Variants in EIF3H observed in about 807,000 individuals in gnomAD.
EIF3H encodes the protein eIF-3-gamma.
Under a neutral mutation model 44.2 loss-of-function variants are expected in EIF3H, and 26 were observed. The ratio of observed to expected loss-of-function variants is 0.59; its 90% CI spans 0.43 to 0.82. EIF3H has a LOEUF of 0.82. EIF3H is among the 40% of genes least tolerant of loss of function. The pLI, the probability that EIF3H is intolerant of heterozygous loss-of-function variation, is 0.00. For missense variants in EIF3H, 359 were observed against 432.8 expected (o/e 0.83, Z 1.51); for synonymous variants, 166 against 151.9 (o/e 1.09, Z -0.68).
intron 5 of EIF3H, among the ~76,000 whole-genome samples, chr8:116,654,996 C>T (rs1813465447): frequency 1.3e-5 from 2 of 151,608 alleles, no homozygotes; most frequent in African/African-American, 2.4e-5. Context: ...TAAGAAAACA[C>T]ACCTTGTTTC....
intron 2 of EIF3H, among the ~76,000 whole-genome samples, chr8:116,719,399 G>T (rs1814708364): frequency 6.6e-6 from 1 of 152,128 alleles, no homozygotes; most frequent in Non-Finnish European, 1.5e-5. Flanking sequence ...AATGTTTATA[G>T]GGAATGAATA....
At chr8:116,661,616 A>G (rs960333371) in intron 2 of EIF3H, among the ~76,000 whole-genome samples, 1 of 152,248 alleles carries the variant, frequency 6.6e-6, no homozygotes, top group Admixed American at 6.5e-5. Context: ...ATTTTCTATT[A>G]GCTAAAGGGG....
upstream of EIF3H, among the ~76,000 whole-genome samples, chr8:116,757,483 A>G (rs1815469307): frequency 1.3e-5 from 2 of 152,152 alleles, no homozygotes; most frequent in African/African-American, 4.8e-5. Context: ...ATTGAAGAGC[A>G]CCAAATTTAG....
intron 2 of EIF3H, among the ~76,000 whole-genome samples, chr8:116,694,207 T>C (rs1285564001): frequency 6.6e-6 from 1 of 151,966 alleles, no homozygotes; most frequent in Non-Finnish European, 1.5e-5. Flanking sequence ...TAAACTCCCA[T>C]CAGCAATCAG....
At chr8:116,721,313 T>G (rs372275074) in intron 2 of EIF3H, among the ~76,000 whole-genome samples, 5 of 152,336 alleles carry the variant, frequency 3.3e-5, no homozygotes, top group African/African-American at 1.2e-4. Flanking sequence ...AGTCAAGAAT[T>G]GAGGTTTGGG....
At chr8:116,739,861 G>A (rs1815102001) in intron 1 of EIF3H, among the ~76,000 whole-genome samples, 1 of 152,116 alleles carries the variant, frequency 6.6e-6, no homozygotes, top group Admixed American at 6.5e-5. Flanking sequence ...AGCCAAAATA[G>A]ACATGAAAAT....
Position 116,755,666 on chromosome 8 carries a change from A to C in EIF3H, c.132T>G (p.Leu44=). The C allele has an allele frequency of 2.5e-6, 4 of 1,614,098 alleles. No individual in the cohort carries two copies. The highest frequency in any genetic ancestry group is 3.3e-4 in the Middle Eastern group (2 of 6,058). Residue 44 remains leucine (L), a splice_region_variant and synonymous_variant, in exon 1 of 8, where the codon CTT becomes CTG. Transcript: ENST00000521861. ...SAVKQVQIDG[L]VVLKIIKHYQ... ...CCAGAGGAAAAAGAACAGCACTCAC[A>C]AGGCCATCTATCTGCACTTGCTTCA...
At chr8:116,675,267 C>T (rs989369760) in intron 2 of EIF3H, among the ~76,000 whole-genome samples, 1 of 152,192 alleles carries the variant, frequency 6.6e-6, no homozygotes, top group Non-Finnish European at 1.5e-5. Flanking sequence ...TATTTACACT[C>T]TTGTTTTTCA....
intron 2 of EIF3H, among the ~76,000 whole-genome samples, chr8:116,718,945 T>C (rs186826898): frequency 6.6e-6 from 1 of 152,090 alleles, no homozygotes; most frequent in Admixed American, 6.5e-5. Flanking sequence ...AGTTAGGTGT[T>C]ACATTGTATT....
At chr8:116,660,911 AC>A (rs1165203663) in intron 2 of EIF3H, among the ~76,000 whole-genome samples, 1 of 152,190 alleles carries the variant, frequency 6.6e-6, no homozygotes, top group Non-Finnish European at 1.5e-5. Flanking sequence ...AAACATCACT[AC>A]CTTAGAAACC....
chr8:116,754,080 G>A (rs1353449850), intron 1 of EIF3H, among the ~76,000 whole-genome samples: 1 of 151,638 alleles, frequency 6.6e-6, no homozygotes, highest in Non-Finnish European at 1.5e-5. Flanking sequence ...GCCAGGGAAA[G>A]CCACAGTGCC....
Position 116,645,166 on chromosome 8 carries a change from C to T in EIF3H, c.962-63G>A, listed in dbSNP as rs1055923536. 1.5e-6 allele frequency: 2 copies of T among 1,294,510 alleles called. 1 individual carries two copies. Among genetic ancestry groups the T allele is most frequent in the Admixed American group, 3.8e-5 (2 of 52,344 alleles). 80.2% of individuals were successfully genotyped at this position (1,294,510 alleles called of 1,614,324 possible). A position where few individuals can be genotyped will look rare whatever the true frequency, so the allele number is the denominator to read the frequency against. ...ACAAATTGTAAAATGATCCAGAAAG[C>T]TAGTCAAACAGAAAAATCAGCATAA... On this transcript the variant is annotated intron_variant, in intron 7 of 7. Transcript: ENST00000521861.
chr8:116,743,460 T>C (rs1195863958), intron 1 of EIF3H, among the ~76,000 whole-genome samples: 1 of 148,986 alleles, frequency 6.7e-6, no homozygotes, highest in Non-Finnish European at 1.5e-5. Context: ...CAAAAAATAA[T>C]AGGCCAGGCA....
At chr8:116,690,304 T>C (rs914720297) in intron 2 of EIF3H, among the ~76,000 whole-genome samples, 1 of 151,784 alleles carries the variant, frequency 6.6e-6, no homozygotes, top group Non-Finnish European at 1.5e-5. Flanking sequence ...GCTAATACAA[T>C]TCAAAAGAAA....
intron 2 of EIF3H, among the ~76,000 whole-genome samples, chr8:116,718,648 T>C (rs1254693404): frequency 6.8e-6 from 1 of 148,148 alleles, no homozygotes; most frequent in South Asian, 2.1e-4. Context: ...TCATATGTTC[T>C]CATTCATAAG....
At chr8:116,736,869 AAAAT>A (rs1815050925) in intron 1 of EIF3H, among the ~76,000 whole-genome samples, 1 of 152,202 alleles carries the variant, frequency 6.6e-6, no homozygotes, top group African/African-American at 2.4e-5. Context: ...TGTATAATAT[AAAAT>A]AAATATCTAT....
chr8:116,671,341 G>T (rs1383370568), intron 2 of EIF3H, among the ~76,000 whole-genome samples: 2 of 152,152 alleles, frequency 1.3e-5, no homozygotes, highest in African/African-American at 4.8e-5. Flanking sequence ...TATCTGCATA[G>T]GGAGCTAGGT....
chr8:116,735,485 A>G (rs1231610651), intron 1 of EIF3H, among the ~76,000 whole-genome samples: 1 of 152,224 alleles, frequency 6.6e-6, no homozygotes, highest in African/African-American at 2.4e-5. Flanking sequence ...ATTATTCATA[A>G]CAGCTAAAAA....
intron 1 of EIF3H, among the ~76,000 whole-genome samples, chr8:116,754,426 T>C (rs200470366): frequency 2.6e-5 from 4 of 152,194 alleles, no homozygotes; most frequent in Non-Finnish European, 5.9e-5. Context: ...TTTCAAAGTA[T>C]TACACAAGTG....
Sources: gnomAD v4.1 joint callset for allele counts (sites outside exome capture counted in the v4.1 genomes callset) on GRCh38, gnomAD v4.1.1 for gene constraint, MANE v1.5 for transcripts, NCBI Gene and HGNC (gene_info 2026-07-23, HGNC 2026-07-21) for gene names.